FASTK: variants seen among roughly 807,000 people sequenced by gnomAD.
The protein encoded by FASTK is Fas activated serine/threonine kinase, also known as fas-activated serine/threonine kinase.
A neutral mutation model predicts 60.0 loss-of-function variants in FASTK; 28 were observed. The ratio of observed to expected loss-of-function variants is 0.47; its 90% CI spans 0.35 to 0.64. FASTK has a LOEUF of 0.64. Ranked by LOEUF, FASTK falls within the 30% of genes least tolerant of loss-of-function variation. The pLI is 0.01. For missense variants in FASTK, 595 were observed against 713.8 expected (o/e 0.83, Z 1.90); for synonymous variants, 325 against 307.9 (o/e 1.06, Z -0.58).
intron 2 of FASTK, 185 bp from the exon 3 acceptor site, chr7:151,079,206 T>C: frequency 1.7e-6 from 1 of 598,830 alleles, no homozygotes; most frequent in Non-Finnish European, 2.8e-6. Context: ...TCGAAACGGT[T>C]TGTAGGGAGT....
chr7:151,078,092 C>A lies in FASTK; in HGVS notation c.826G>T (p.Val276Leu). 6.3e-7 allele frequency: 1 copy of A among 1,583,472 alleles called. No homozygotes were observed. The highest frequency in any genetic ancestry group is 8.6e-7 in the Non-Finnish European group (1 of 1,158,206). ...VVQETQLSSKVVQKLVLPFGR... is the reference protein window; with the variant it reads ...VVQETQLSSKLVQKLVLPFGR... ...AAGGGCAGGACCAACTTCTGTACCA[C>A]CTGTGGAGGAAGAGCAGTTCATTAC... Residue 276 changes from valine to leucine, a missense_variant and splice_region_variant, in exon 5 of 10, where the codon GTG becomes TTG. Physicochemically the swap from Val to Leu is conservative, Grantham distance 32. This residue lies in a region of FASTK where 471 missense variants were observed against 605.9 expected (regional missense o/e 0.78). Coordinates refer to ENST00000297532, the MANE Select transcript of FASTK (RefSeq NM_006712.5).
At chr7:151,080,373 G>T in intron 1 of FASTK, 1 of 885,476 alleles carries the variant, frequency 1.1e-6, no homozygotes, top group Non-Finnish European at 1.5e-6. Context: ...CGGCGGCACA[G>T]AGGGTGGAAC....
intron 4 of FASTK, among the ~76,000 whole-genome samples, 160 bp downstream of exon 4, chr7:151,078,402 T>C (rs960770525): frequency 6.6e-6 from 1 of 151,484 alleles, no homozygotes; most frequent in Non-Finnish European, 1.5e-5. Context: ...TGACAGGAGG[T>C]GGGCAAGCCA....
Position 151,077,331 on chromosome 7 carries a change from C to T in FASTK, c.1270G>A (p.Val424Met), listed in dbSNP as rs758691941. The change falls in exon 7 of 10, where the codon GTG (valine) becomes ATG (methionine). Residue 424 changes from valine (V) to methionine (M), a missense_variant. Val to Met is a conservative substitution (Grantham distance 21). Around this residue, in one of 2 missense-constraint regions of FASTK, gnomAD observed 471 missense variants for 605.9 expected, o/e 0.78. Transcript: ENST00000297532. ...GEEKYRQDLT[V>M]PPGYCTDFLL... ...TCACCTGTGCAGTAGCCTGGAGGCA[C>T]AGTCAGGTCCTGGCGGTATTTCTCC... The T allele has an allele frequency of 2.5e-6, 4 of 1,613,114 alleles. No individual in the cohort carries two copies. Among genetic ancestry groups the T allele is most frequent in the Non-Finnish European group, 2.5e-6 (3 of 1,179,996 alleles).
At chr7:151,079,446 C>T in intron 2 of FASTK, 54 bp downstream of exon 2, 4 of 1,503,664 alleles carry the variant, frequency 2.7e-6, no homozygotes, top group Non-Finnish European at 3.6e-6. Context: ...ACTGTTCTCC[C>T]TATTCTTCAT....
rs986078441 is a variant in FASTK, at chr7:151,077,052, G to T, written c.1428-25C>A. ...CCTGCAGGGGGAGGGACGTGGCTCA[G>T]GGCATGGCGGGCAAGGTGGCCAGGG... On this transcript the variant is annotated intron_variant, in intron 8 of 9. Coordinates refer to ENST00000297532, the MANE Select transcript of FASTK (RefSeq NM_006712.5). 6.2e-6 allele frequency: 10 copies of T among 1,610,306 alleles called. No homozygotes were observed. In the Admixed American group the frequency reaches 1.7e-4, roughly 27 times the overall value.
Position 151,078,427 on chromosome 7 carries a change from A to G in FASTK, c.825+135T>C, listed in dbSNP as rs1210010652. ...TGGGCAAGCCACAGAAAGGGTGTAG[A>G]AAAGATGCAGGTCCCAGGGGACAGA... On this transcript the variant is annotated intron_variant, in intron 4 of 9. Coordinates refer to ENST00000297532, the MANE Select transcript of FASTK (RefSeq NM_006712.5). 7 of 989,678 alleles carry G rather than the reference A, an allele frequency of 7.1e-6. No homozygotes were observed. The East Asian group carries it at 1.8e-4, about 25-fold the overall frequency. The allele number at this position is 989,678 out of a possible 1,614,324, so 61.3% of individuals were successfully genotyped here.
At position 151,077,521 on chromosome 7, in the gene FASTK, C is replaced by T; in HGVS notation, c.1199+100G>A. 5.3e-6 allele frequency: 8 copies of T among 1,504,294 alleles called. 1 individual carries two copies. In the South Asian group the frequency reaches 9.8e-5, roughly 18 times the overall value. The allele number at this position is 1,504,294 out of a possible 1,614,324, so 93.2% of individuals were successfully genotyped here. On this transcript the variant is annotated intron_variant, in intron 6 of 9. Coordinates refer to ENST00000297532, the MANE Select transcript of FASTK (RefSeq NM_006712.5). ...GCTTCAGGGCCCAGTTTTATGGTGG[C>T]CGAGAGCTCCTTAGCTTTGGCGCTT...
Position 151,078,635 on chromosome 7 carries a change from C to T in FASTK, c.752G>A (p.Arg251Gln), listed in dbSNP as rs1269749365. The change falls in exon 4 of 10, where the codon CGG becomes CAG. Residue 251 changes from arginine to glutamine, a missense_variant. This residue lies in a region of FASTK where 471 missense variants were observed against 605.9 expected (regional missense o/e 0.78). Coordinates refer to ENST00000297532, the MANE Select transcript of FASTK (RefSeq NM_006712.5). Reference sequence around the variant, plus strand: ...TTCCAGAAGCTGGGGCTCCCGCAACCGGTGCCGGGCCAGGTGCTGGGCCAG... The same window carrying T: ...TTCCAGAAGCTGGGGCTCCCGCAACTGGTGCCGGGCCAGGTGCTGGGCCAG... ...VLLAQHLARH[R>Q]LREPQLLEAI... 6 of 1,613,316 alleles carry T rather than the reference C, an allele frequency of 3.7e-6. No individual in the cohort carries two copies. The highest frequency in any genetic ancestry group is 1.1e-5 in the South Asian group (1 of 91,086).
Position 151,077,550 on chromosome 7 carries a change from G to A in FASTK, c.1199+71C>T, listed in dbSNP as rs1797733580. 5.3e-6 allele frequency: 8 copies of A among 1,514,008 alleles called. 1 individual carries two copies. In the African/African-American group the frequency reaches 1.1e-4, roughly 21 times the overall value. 93.8% of individuals were successfully genotyped at this position (1,514,008 alleles called of 1,614,324 possible). On this transcript the variant is annotated intron_variant, in intron 6 of 9. Transcript: ENST00000297532. ...GAGCTCCTTAGCTTTGGCGCTTCAT[G>A]GTCCCTCTGGCTTTTCCACTCTGCT...
intron 1 of FASTK, chr7:151,080,414 C>T: frequency 8.7e-7 from 1 of 1,149,102 alleles, no homozygotes. Flanking sequence ...GTGCTGGGTT[C>T]CATGCTGGGC....
At chr7:151,080,303 G>A (rs1056714201) in intron 1 of FASTK, 1 of 407,398 alleles carries the variant, frequency 2.5e-6, no homozygotes, top group Non-Finnish European at 4.0e-6. Context: ...CGCCCAGTCT[G>A]GAGCCCAGGC....
chr7:151,078,346 C>CT (rs1303647072), intron 4 of FASTK, among the ~76,000 whole-genome samples: 1 of 152,150 alleles, frequency 6.6e-6, no homozygotes, highest in Admixed American at 6.5e-5. Context: ...TAGGATGCTG[C>CT]TAAGAGTGCT....
Position 151,077,137 on chromosome 7 carries a change from G to T in FASTK, c.1391C>A (p.Ala464Asp), listed in dbSNP as rs1420316253. The change falls in exon 8 of 10, where the codon GCT becomes GAT. Residue 464 changes from alanine (A) to aspartate (D), a missense_variant. Physicochemically the swap from Ala to Asp is moderately radical, Grantham distance 126 (BLOSUM62 -2). This residue lies in a region of FASTK where 471 missense variants were observed against 605.9 expected (regional missense o/e 0.78). Coordinates refer to ENST00000297532, the MANE Select transcript of FASTK (RefSeq NM_006712.5). The stretch of plus-strand genomic sequence containing the variant: ...GTCTCGAGTAGTGGCGCTAGAGGCA[G>T]CCTGGCCCTGTGGGCAGGACCTTGG... ...YPPRSCPQGQ[A>D]ASSATTRDPA... 1.2e-6 allele frequency: 2 copies of T among 1,612,756 alleles called. No individual in the cohort carries two copies. Among genetic ancestry groups the T allele is most frequent in the South Asian group, 2.2e-5 (2 of 90,994 alleles).
At position 151,080,685 on chromosome 7, in the gene FASTK, A is replaced by G. The variant is rs1797940852; in HGVS notation, c.82T>C (p.Trp28Arg). Residue 28 changes from tryptophan to arginine, a missense_variant and splice_region_variant, in exon 1 of 10, where the codon TGG becomes CGG. Trp to Arg is a moderately radical substitution (Grantham distance 101). This residue lies in a region of FASTK where 124 missense variants were observed against 107.9 expected (regional missense o/e 1.15). Coordinates refer to ENST00000297532, the MANE Select transcript of FASTK (RefSeq NM_006712.5). Reference protein sequence around the residue: ...GATCAGPGESWSPSPNSMLRV... With the variant: ...GATCAGPGESRSPSPNSMLRV... ...CCCTCCCCGCAGGCGCCACCCCTAC[A>G]TGACTCCCCGGGCCCTGCGCAGGTC... 7.0e-7 allele frequency: 1 copy of G among 1,433,446 alleles called. No homozygotes were observed. Among genetic ancestry groups the G allele is most frequent in the Non-Finnish European group, 9.1e-7 (1 of 1,098,528 alleles). The allele number at this position is 1,433,446 out of a possible 1,614,324, so 88.8% of individuals were successfully genotyped here.
chr7:151,076,736 C>G lies in FASTK; in HGVS notation c.1639G>C (p.Glu547Gln). The change falls in exon 10 of 10, where the codon GAA becomes CAA. Residue 547 changes from glutamate (E) to glutamine (Q), a missense_variant. Physicochemically the swap from Glu to Gln is conservative, Grantham distance 29. Around this residue, in one of 2 missense-constraint regions of FASTK, gnomAD observed 471 missense variants for 605.9 expected, o/e 0.78. Coordinates refer to ENST00000297532, the MANE Select transcript of FASTK (RefSeq NM_006712.5). ...CCCACATCAACCCCTCAGCCCCCTT[C>G]AGGCCCCCAGCGCAGGCCCAGGGCC... ...LQALGLRWGP[E>Q]GG 1 of 1,594,888 alleles carries G rather than the reference C, an allele frequency of 6.3e-7. No homozygotes were observed. The highest frequency in any genetic ancestry group is 8.5e-7 in the Non-Finnish European group (1 of 1,169,808).
rs1393898671 is a variant in FASTK at position 151,079,938 on chromosome 7, A to G, written c.83-16T>C. ...GATGGAGACCCTGAGGGGCAGCCCAAAAAAGGGGGTGAGGTTTTCTCCAAA... is the reference window on the plus strand; with the variant it reads ...GATGGAGACCCTGAGGGGCAGCCCAGAAAAGGGGGTGAGGTTTTCTCCAAA... On this transcript the variant is annotated splice_polypyrimidine_tract_variant and intron_variant, in intron 1 of 9. Transcript: ENST00000297532. The G allele has an allele frequency of 3.2e-6, 5 of 1,558,600 alleles. No homozygotes were observed. Among genetic ancestry groups the G allele is most frequent in the Non-Finnish European group, 3.5e-6 (4 of 1,145,922 alleles).
chr7:151,078,480 T>C (rs777082125), intron 4 of FASTK, 82 bp downstream of exon 4: 50 of 1,481,504 alleles, frequency 3.4e-5, no homozygotes, highest in Non-Finnish European at 4.6e-5. Context: ...AGGAAAAGGA[T>C]AGCCGAGCTG....
chr7:151,076,752 G>A lies in FASTK; in HGVS notation c.1623C>T (p.Gly541=). Residue 541 remains glycine (G), a synonymous_variant, in exon 10 of 10, where the codon GGC becomes GGT. Transcript: ENST00000297532. ...SYLRQKLQAL[G]LRWGPEGG ...AGCCCCCTTCAGGCCCCCAGCGCAG[G>A]CCCAGGGCCTGGAGCTTCTGCCTCA... 2 of 1,608,900 alleles carry A rather than the reference G, an allele frequency of 1.2e-6. No homozygotes were observed. Among genetic ancestry groups the A allele is most frequent in the Non-Finnish European group, 1.7e-6 (2 of 1,177,630 alleles).
Sources: allele counts gnomAD v4.1 joint callset (sites outside exome capture counted in the v4.1 genomes callset), GRCh38; gene constraint gnomAD v4.1.1; regional missense constraint gnomAD v4.1.1; transcripts MANE v1.5; gene names NCBI Gene and HGNC (gene_info 2026-07-23, HGNC 2026-07-21).